MCM10: variants seen among roughly 807,000 people sequenced by gnomAD.
MCM10 encodes minichromosome maintenance 10 replication initiation factor, also known as protein MCM10 homolog.
Under a neutral mutation model 109.9 loss-of-function variants are expected in MCM10, and 91 were observed. The ratio of observed to expected loss-of-function variants is 0.83; its 90% CI spans 0.70 to 0.99. The LOEUF (loss-of-function observed/expected upper bound fraction) is 0.99. Among genes scored for constraint, MCM10 ranks in the 50% least tolerant of loss-of-function variants. The probability of loss-of-function intolerance (pLI) is 0.00; values close to 1 mark genes in which losing one functional copy is unlikely to be tolerated. For synonymous variants in MCM10, 380 were observed against 387.2 expected, an observed-to-expected ratio of 0.98 and a Z score of 0.22; for missense variants, 1,077 against 1,061.2, an observed-to-expected ratio of 1.01 and a Z score of -0.21.
chr10:13,175,455 T>G lies in MCM10; in HGVS notation c.593-55T>G. The G allele has an allele frequency of 6.1e-6, 9 of 1,478,742 alleles. No homozygotes were observed. The South Asian group carries it at 1.0e-4, about 17-fold the overall frequency. 91.6% of individuals were successfully genotyped at this position (1,478,742 alleles called of 1,614,324 possible). On this transcript the variant is annotated intron_variant, in intron 5 of 19. Coordinates refer to ENST00000378714, the MANE Select transcript of MCM10 (RefSeq NM_018518.5). ...AATCCGTAAAAACAAATTTCCAAAT[T>G]CCGTTCGTGATTATCAGTGTGGTTG...
intron 17 of MCM10, among the ~76,000 whole-genome samples, chr10:13,202,819 C>T (rs1174644001): frequency 6.6e-6 from 1 of 152,066 alleles, no homozygotes; most frequent in African/African-American, 2.4e-5. Flanking sequence ...TAACACAATG[C>T]ACATTTATTG....
Position 13,198,791 on chromosome 10 carries a change from C to A in MCM10, c.2222C>A (p.Thr741Lys), listed in dbSNP as rs41291311. Reference sequence around the variant, plus strand: ...ATCCTAAAAGCAAAATCAAAACACACAGGCATCCTGAAAGAGGTAAGAGCC... The same window carrying A: ...ATCCTAAAAGCAAAATCAAAACACAAAGGCATCCTGAAAGAGGTAAGAGCC... ...QKILKAKSKH[T>K]GILKEAEAEM... Residue 741 changes from threonine to lysine, a missense_variant, in exon 16 of 20, where the codon ACA (threonine) becomes AAA (lysine). Coordinates refer to ENST00000378714, the MANE Select transcript of MCM10 (RefSeq NM_018518.5). The A allele has an allele frequency of 5.5e-3, 8,904 of 1,611,686 alleles. 40 individuals carry two copies. The highest frequency in any genetic ancestry group is 6.9e-3 in the Non-Finnish European group (8,127 of 1,178,814).
At chr10:13,190,574 G>C (rs1372925791) in intron 10 of MCM10, among the ~76,000 whole-genome samples, 2 of 152,074 alleles carry the variant, frequency 1.3e-5, no homozygotes, top group Non-Finnish European at 2.9e-5. Flanking sequence ...AGTCCCAGCT[G>C]TTTGGGAGGC....
chr10:13,196,638 G>A (rs749021692), intron 14 of MCM10, among the ~76,000 whole-genome samples: 8 of 151,610 alleles, frequency 5.3e-5, no homozygotes, highest in Admixed American at 2.0e-4. Context: ...TCAGCCTCCC[G>A]AATTGCTGGG....
intron 2 of MCM10, among the ~76,000 whole-genome samples, chr10:13,169,470 C>A (rs909236490): frequency 3.3e-5 from 5 of 152,182 alleles, no homozygotes; most frequent in African/African-American, 1.2e-4. Flanking sequence ...TTGGCAGCAT[C>A]TAGCAAAATT....
rs1564384950 is a variant in MCM10, at chr10:13,180,569, G to T, written c.892G>T (p.Val298Phe). The T allele has an allele frequency of 6.2e-7, 1 of 1,614,136 alleles. No homozygotes were observed. Residue 298 changes from valine (V) to phenylalanine (F), a missense_variant, in exon 7 of 20, where the codon GTT (valine) becomes TTT (phenylalanine). Coordinates refer to ENST00000378714, the MANE Select transcript of MCM10 (RefSeq NM_018518.5). ...LEEIDWVTFG[V>F]ILKKVTPQSV... ...AGAAATAGATTGGGTGACATTTGGGGTTATATTGAAGAAGGTTACGCCACA... is the reference window on the plus strand; with the variant it reads ...AGAAATAGATTGGGTGACATTTGGGTTTATATTGAAGAAGGTTACGCCACA...
chr10:13,201,894 C>T (rs1834505407), intron 17 of MCM10: 1 of 224,648 alleles, frequency 4.5e-6, no homozygotes. Context: ...CGTGGTTGAA[C>T]CCCCTGGCCT....
chr10:13,164,080 A>T, intron 1 of MCM10, 48 bp from the exon 2 acceptor site: 1 of 782,908 alleles, frequency 1.3e-6, no homozygotes. Flanking sequence ...GTGTTGTGAG[A>T]GAAAGAGAAG....
chr10:13,185,190 C>T (rs1009818179), intron 8 of MCM10, among the ~76,000 whole-genome samples: 2 of 152,124 alleles, frequency 1.3e-5, no homozygotes, highest in African/African-American at 4.8e-5. Context: ...GCTCATGGCT[C>T]TCTTCACCCT....
At chr10:13,162,138 G>A (rs1380111182) in intron 1 of MCM10, among the ~76,000 whole-genome samples, 1 of 152,160 alleles carries the variant, frequency 6.6e-6, no homozygotes, top group East Asian at 1.9e-4. Flanking sequence ...AGCTTTCTTC[G>A]ACAGAGCCTG....
Position 13,195,394 on chromosome 10 carries a change from T to C in MCM10, c.1974+125T>C, listed in dbSNP as rs1007634152. 25 of 726,596 alleles carry C rather than the reference T, an allele frequency of 3.4e-5. No individual in the cohort carries two copies. The African/African-American group carries it at 3.9e-4, about 11-fold the overall frequency. The allele number at this position is 726,596 out of a possible 1,614,324, so 45.0% of individuals were successfully genotyped here. A position where few individuals can be genotyped will look rare whatever the true frequency, so the allele number is the denominator to read the frequency against. ...TTAGAGTCAGTGTAATTTGAAAACA[T>C]GGTAGTGTCAACATAATACTAAAAG... On this transcript the variant is annotated intron_variant, in intron 14 of 19. Transcript: ENST00000378714.
intron 17 of MCM10, among the ~76,000 whole-genome samples, chr10:13,203,394 G>T (rs1329285855): frequency 6.6e-6 from 1 of 152,072 alleles, no homozygotes. Context: ...ATTCCATTGG[G>T]CCCACCCAGA....
Position 13,206,294 on chromosome 10 carries a change from C to T in MCM10, c.2498+1930C>T, listed in dbSNP as rs1022293073. ...GGCAGCACCCATCACATTTCGCCCACGGGCACCCTATACCCTCCCCACACA... is the reference window on the plus strand; with the variant it reads ...GGCAGCACCCATCACATTTCGCCCATGGGCACCCTATACCCTCCCCACACA... On this transcript the variant is annotated intron_variant, in intron 18 of 19. Coordinates refer to ENST00000378714, the MANE Select transcript of MCM10 (RefSeq NM_018518.5). Among the ~76,000 whole-genome samples, 18 of 152,332 alleles carry T rather than the reference C, an allele frequency of 1.2e-4. No homozygotes were observed. In the South Asian group the frequency reaches 2.1e-3, roughly 18 times the overall value.
chr10:13,169,810 A>G lies in MCM10; in HGVS notation c.8-1112A>G, dbSNP rs150854087. On this transcript the variant is annotated intron_variant, in intron 2 of 19. Coordinates refer to ENST00000378714, the MANE Select transcript of MCM10 (RefSeq NM_018518.5). Reference sequence around the variant, plus strand: ...AACCTCCACCTCCCAGGTTCCATCAATTCTTCTGCCTCAGCCTCCTGAATA... The same window carrying G: ...AACCTCCACCTCCCAGGTTCCATCAGTTCTTCTGCCTCAGCCTCCTGAATA... 7.3e-3 allele frequency among the ~76,000 whole-genome samples: 1,115 copies of G among 152,282 alleles called. 7 individuals are homozygous for G. Among genetic ancestry groups the G allele is most frequent in the Non-Finnish European group, 0.012 (839 of 68,030 alleles).
intron 5 of MCM10, among the ~76,000 whole-genome samples, chr10:13,173,900 G>T (rs1326067421): frequency 9.2e-5 from 14 of 152,024 alleles, no homozygotes; most frequent in Admixed American, 9.2e-4. Flanking sequence ...CCCTTTGAGG[G>T]CAAACAACAA....
intron 16 of MCM10, among the ~76,000 whole-genome samples, chr10:13,199,771 A>C (rs1804579608): frequency 6.6e-6 from 1 of 152,244 alleles, no homozygotes; most frequent in South Asian, 2.1e-4. Context: ...AGTGTAAATG[A>C]GCCAGAAATG....
At chr10:13,183,723 T>C (rs1834238535) in intron 8 of MCM10, among the ~76,000 whole-genome samples, 1 of 152,156 alleles carries the variant, frequency 6.6e-6, no homozygotes, top group Non-Finnish European at 1.5e-5. Flanking sequence ...CTTGCTCTGT[T>C]GCCCGGGCTG....
intron 15 of MCM10, 114 bp downstream of exon 15, chr10:13,197,881 T>C: frequency 4.8e-6 from 5 of 1,042,900 alleles, no homozygotes; most frequent in Admixed American, 5.4e-5. Context: ...TCCTCCTATA[T>C]AGAATACCTA....
chr10:13,200,212 G>A (rs1374522257), intron 16 of MCM10, among the ~76,000 whole-genome samples: 1 of 152,066 alleles, frequency 6.6e-6, no homozygotes, highest in East Asian at 1.9e-4. Context: ...AAATATTGTA[G>A]GGTTGTGTAG....
Sources: gnomAD v4.1 joint callset for allele counts (sites outside exome capture counted in the v4.1 genomes callset) on GRCh38, gnomAD v4.1.1 for gene constraint, MANE v1.5 for transcripts, NCBI Gene and HGNC (gene_info 2026-07-23, HGNC 2026-07-21) for gene names.